Variants in ALPK2 observed in about 807,000 individuals in gnomAD.
ALPK2 encodes the protein alpha-protein kinase 2.
In ALPK2, 127 loss-of-function variants were observed where a neutral mutation model predicts 163.1. The ratio of observed to expected loss-of-function variants is 0.78; its 90% CI spans 0.67 to 0.90. The LOEUF is 0.90. Among genes scored for constraint, ALPK2 ranks in the 40% least tolerant of loss-of-function variants. ALPK2 has a pLI of 0.00. For synonymous variants in ALPK2, 953 were observed against 959.1 expected (o/e 0.99, Z 0.12); for missense variants, 2,360 against 2,589.6 (o/e 0.91, Z 1.92).
At chr18:58,527,351 A>C (rs73445153) in intron 6 of ALPK2, among the ~76,000 whole-genome samples, 1,876 of 152,336 alleles carry the variant, frequency 0.012, 41 homozygotes, top group African/African-American at 0.043. Context: ...AAATATTCTC[A>C]AGTGTTAGCA....
intron 6 of ALPK2, among the ~76,000 whole-genome samples, chr18:58,528,447 G>A (rs1190297098): frequency 6.6e-6 from 1 of 152,088 alleles, no homozygotes; most frequent in Non-Finnish European, 1.5e-5. Context: ...GAGGTGGGAG[G>A]ATCACTTAAG....
At chr18:58,527,993 A>G (rs1225927619) in intron 6 of ALPK2, among the ~76,000 whole-genome samples, 1 of 152,210 alleles carries the variant, frequency 6.6e-6, no homozygotes. Context: ...AGGGGATTGG[A>G]ACCCCTCCCA....
At chr18:58,503,863 C>T in intron 11 of ALPK2, 68 bp downstream of exon 11, 1 of 1,467,532 alleles carries the variant, frequency 6.8e-7, no homozygotes, top group Non-Finnish European at 9.3e-7. Flanking sequence ...CCTCCCCTCC[C>T]TCTCCACCCA....
At chr18:58,622,445 T>C (rs1237247712) in intron 1 of ALPK2, among the ~76,000 whole-genome samples, 1 of 152,100 alleles carries the variant, frequency 6.6e-6, no homozygotes, top group Admixed American at 6.5e-5. Flanking sequence ...CACAGACAGG[T>C]TAGGTGACAT....
chr18:58,550,488 C>CAA (rs2051748372), intron 4 of ALPK2, among the ~76,000 whole-genome samples: 1 of 6,892 alleles, frequency 1.5e-4, no homozygotes, highest in Admixed American at 1.9e-3. Context: ...TATGACTCTA[C>CAA]CCCCATCTAT....
chr18:58,499,067 A>G (rs1014605068), intron 11 of ALPK2, among the ~76,000 whole-genome samples: 3 of 152,278 alleles, frequency 2.0e-5, no homozygotes, highest in Middle Eastern at 3.4e-3. Context: ...CCTGAGTTCT[A>G]TGTAGACACT....
At chr18:58,498,388 G>A (rs2051412316) in intron 11 of ALPK2, among the ~76,000 whole-genome samples, 1 of 152,190 alleles carries the variant, frequency 6.6e-6, no homozygotes, top group African/African-American at 2.4e-5. Flanking sequence ...GAGGGAGCTG[G>A]CCACTCTGTG....
chr18:58,582,222 A>C (rs1013021411), intron 3 of ALPK2, among the ~76,000 whole-genome samples: 1 of 152,194 alleles, frequency 6.6e-6, no homozygotes, highest in Admixed American at 6.5e-5. Flanking sequence ...TATTTCACTA[A>C]GTTATTCTGA....
chr18:58,575,897 T>C (rs1026537521), intron 4 of ALPK2, among the ~76,000 whole-genome samples: 2 of 152,178 alleles, frequency 1.3e-5, no homozygotes, highest in East Asian at 1.9e-4. Flanking sequence ...TACCTAGAGA[T>C]GCATGTTTAG....
chr18:58,579,308 A>T lies in ALPK2; in HGVS notation c.1468T>A (p.Ser490Thr). 1 of 1,614,008 alleles carries T rather than the reference A, an allele frequency of 6.2e-7. No individual in the cohort carries two copies. The highest frequency in any genetic ancestry group is 8.5e-7 in the Non-Finnish European group (1 of 1,180,010). The change falls in exon 4 of 13, where the codon TCA becomes ACA. Residue 490 changes from serine to threonine, a missense_variant. Coordinates refer to ENST00000361673, the MANE Select transcript of ALPK2 (RefSeq NM_052947.4). ...ASDNLLNMDESVRETEMKLLS... is the reference protein window; with the variant it reads ...ASDNLLNMDETVRETEMKLLS... ...AGCTTCATCTCTGTCTCTCTTACTG[A>T]TTCATCCATGTTGAGCAGATTGTCA...
At chr18:58,628,155 AT>A (rs1162024886) in intron 1 of ALPK2, among the ~76,000 whole-genome samples, 3 of 151,752 alleles carry the variant, frequency 2.0e-5, no homozygotes, top group East Asian at 1.9e-4. Flanking sequence ...TTTGCCTTAA[AT>A]TTTTTTTTAA....
intron 1 of ALPK2, among the ~76,000 whole-genome samples, chr18:58,624,069 C>T (rs978619378): frequency 5.3e-5 from 8 of 152,288 alleles, no homozygotes; most frequent in African/African-American, 1.4e-4. Flanking sequence ...ACTCGGCTGG[C>T]GATTCCTCAC....
At chr18:58,533,576 C>T (rs1285144121) in intron 5 of ALPK2, among the ~76,000 whole-genome samples, 1 of 151,710 alleles carries the variant, frequency 6.6e-6, no homozygotes, top group Non-Finnish European at 1.5e-5. Flanking sequence ...TCTCCTTAGC[C>T]GCAGAGTAGC....
chr18:58,533,515 G>A (rs1465341950), intron 5 of ALPK2, among the ~76,000 whole-genome samples: 1 of 151,248 alleles, frequency 6.6e-6, no homozygotes, highest in Non-Finnish European at 1.5e-5. Flanking sequence ...GCTGGAGTGT[G>A]GTGGTGTGAT....
intron 3 of ALPK2, among the ~76,000 whole-genome samples, chr18:58,581,569 C>T (rs2051959452): frequency 1.3e-5 from 2 of 152,236 alleles, no homozygotes; most frequent in Non-Finnish European, 2.9e-5. Context: ...CATCATTGTT[C>T]AGCATCACAA....
At position 58,517,124 on chromosome 18, in the gene ALPK2, G is replaced by A; in HGVS notation, c.5724C>T (p.Ser1908=). 1.2e-6 allele frequency: 2 copies of A among 1,614,206 alleles called. No individual in the cohort carries two copies. The highest frequency in any genetic ancestry group is 1.7e-6 in the Non-Finnish European group (2 of 1,180,038). ...GACCACGCAGGCGGCCCCCAAAGTAGCTGTCATGGAGGAAGTCTTCTTTGA... is the reference window on the plus strand; with the variant it reads ...GACCACGCAGGCGGCCCCCAAAGTAACTGTCATGGAGGAAGTCTTCTTTGA... The part of the protein sequence containing the change: ...LIFKEDFLHD[S]YFGGRLRGQI... The change falls in exon 9 of 13, where the codon AGC becomes AGT. Residue 1908 remains serine, a synonymous_variant. Coordinates refer to ENST00000361673, the MANE Select transcript of ALPK2 (RefSeq NM_052947.4).
chr18:58,595,467 G>A (rs141630069), intron 3 of ALPK2, among the ~76,000 whole-genome samples: 159 of 152,310 alleles, frequency 1.0e-3, no homozygotes, highest in African/African-American at 3.1e-3. Context: ...TTGTTTGGGA[G>A]GATGGCACTG....
At chr18:58,513,869 T>C (rs34517223) in intron 10 of ALPK2, among the ~76,000 whole-genome samples, 35,069 of 151,898 alleles carry the variant, frequency 0.23, 4,547 homozygotes, top group South Asian at 0.42. Flanking sequence ...AGACCATGTC[T>C]CTTAAAAAAA....
intron 4 of ALPK2, among the ~76,000 whole-genome samples, chr18:58,542,849 G>A (rs1602209888): frequency 1.3e-5 from 2 of 152,286 alleles, no homozygotes; most frequent in South Asian, 2.1e-4. Flanking sequence ...TGGTCACAGG[G>A]GCTGAAGCCT....
Sources: gnomAD v4.1 joint callset for allele counts (sites outside exome capture counted in the v4.1 genomes callset) on GRCh38, gnomAD v4.1.1 for gene constraint, MANE v1.5 for transcripts, NCBI Gene and HGNC (gene_info 2026-07-23, HGNC 2026-07-21) for gene names.